Variants in GARS1 observed in about 807,000 individuals in gnomAD.
The protein encoded by GARS1 is glycine--tRNA ligase.
In GARS1, 46 loss-of-function variants were observed where a neutral mutation model predicts 86.4. That is an observed-to-expected ratio of 0.53 (90% CI 0.42 to 0.68). GARS1 has a LOEUF of 0.68. GARS1 is among the 30% of genes least tolerant of loss of function. GARS1 has a pLI of 0.00. For synonymous variants in GARS1, 342 were observed against 329.8 expected, an observed-to-expected ratio of 1.04 and a Z score of -0.40; for missense variants, 797 against 915.6, an observed-to-expected ratio of 0.87 and a Z score of 1.67.
At chr7:30,620,523 G>A (rs538050689) in intron 10 of GARS1, among the ~76,000 whole-genome samples, 4 of 152,146 alleles carry the variant, frequency 2.6e-5, no homozygotes, top group Non-Finnish European at 5.9e-5. Flanking sequence ...CCATCACATT[G>A]GGAGTTAGGA....
At chr7:30,633,509 A>G (rs1220370220) in intron 16 of GARS1, among the ~76,000 whole-genome samples, 1 of 152,190 alleles carries the variant, frequency 6.6e-6, no homozygotes, top group Admixed American at 6.5e-5. Context: ...AATACACATG[A>G]AGTAACTTCA....
intron 16 of GARS1, among the ~76,000 whole-genome samples, chr7:30,633,245 C>T (rs115643077): frequency 0.04 from 6,042 of 152,262 alleles, 165 homozygotes; most frequent in Middle Eastern, 0.082. Context: ...GCAAAACCTC[C>T]ACCCCAGACC....
intron 9 of GARS1, among the ~76,000 whole-genome samples, chr7:30,616,582 A>G (rs910002021): frequency 6.6e-6 from 1 of 152,224 alleles, no homozygotes. Flanking sequence ...ACTCCTGGCA[A>G]GGTTGGACGA....
chr7:30,624,398 A>G (rs1264868003), intron 12 of GARS1, among the ~76,000 whole-genome samples: 1 of 152,214 alleles, frequency 6.6e-6, no homozygotes. Flanking sequence ...TCATCTCTTA[A>G]TTTCTTTAAA....
At chr7:30,626,753 C>T (rs546337580) in intron 13 of GARS1, among the ~76,000 whole-genome samples, 23 of 152,286 alleles carry the variant, frequency 1.5e-4, no homozygotes, top group East Asian at 1.2e-3. Context: ...GAGGCCAAGG[C>T]GGGTAGATCA....
intron 6 of GARS1, 142 bp from the exon 7 acceptor site, chr7:30,609,443 G>C: frequency 1.5e-6 from 1 of 683,678 alleles, no homozygotes; most frequent in Non-Finnish European, 2.6e-6. Flanking sequence ...TTTAATGTGG[G>C]TGTCCTGAAG....
At chr7:30,609,516 A>T (rs1791552280) in intron 6 of GARS1, 69 bp from the exon 7 acceptor site, 1 of 1,343,682 alleles carries the variant, frequency 7.4e-7, no homozygotes. Flanking sequence ...CTAGGGTTAT[A>T]TATAATACTT....
In GARS1 at chr7:30,594,878, G is replaced by T; in HGVS notation, c.-44G>T. Reference sequence around the variant, plus strand: ...TGCTCCGAGCCGGGCGGCGCGCGCCGCTTCCGTCGCCACCCTCTCTGGACA... The same window carrying T: ...TGCTCCGAGCCGGGCGGCGCGCGCCTCTTCCGTCGCCACCCTCTCTGGACA... On this transcript the variant is annotated 5_prime_UTR_variant, in exon 1 of 17. Coordinates refer to ENST00000389266, the MANE Select transcript of GARS1 (RefSeq NM_002047.4). The T allele has an allele frequency of 1.4e-6, 2 of 1,478,430 alleles. No homozygotes were observed. Among genetic ancestry groups the T allele is most frequent in the Non-Finnish European group, 1.8e-6 (2 of 1,097,324 alleles). 91.6% of individuals were successfully genotyped at this position (1,478,430 alleles called of 1,614,324 possible). A position where few individuals can be genotyped will look rare whatever the true frequency, so the allele number is the denominator to read the frequency against.
At position 30,627,422 on chromosome 7, in the gene GARS1, T is replaced by A. The variant is rs183892493; in HGVS notation, c.1699+1103T>A. On this transcript the variant is annotated intron_variant, in intron 13 of 16. Transcript: ENST00000389266. ...ATCATGTTTCTAAAGTATTAACTCT[T>A]TATCATAGACAAACAGGCTCTCTTT... Among the ~76,000 whole-genome samples the A allele has an allele frequency of 2.6e-3, 395 of 152,316 alleles. 4 individuals are homozygous for A. Among genetic ancestry groups the A allele is most frequent in the African/African-American group, 9.0e-3 (373 of 41,554 alleles).
intron 13 of GARS1, chr7:30,626,980 C>CAAA (rs1192203935): frequency 3.8e-4 from 121 of 314,732 alleles, no homozygotes; most frequent in East Asian, 1.1e-3. Context: ...GACTCCGTCT[C>CAAA]AAAAAAAAAA....
Position 30,633,843 on chromosome 7 carries a change from G to T in GARS1, c.2203G>T (p.Glu735Ter). 1 of 1,544,088 alleles carries T rather than the reference G, an allele frequency of 6.5e-7. No individual in the cohort carries two copies. The highest frequency in any genetic ancestry group is 1.7e-5 in the Admixed American group (1 of 57,530). Reference protein sequence around the residue: ...LFEGQETGKKETIEE With the variant: ...LFEGQETGKK ...TGAAGGGCAAGAGACTGGTAAAAAA[G>T]AGACAATCGAGGAATGAGGACAATT... Residue 735 changes from glutamate to a stop codon, truncating the protein, a stop_gained, in exon 17 of 17, where the codon GAG (glutamate) becomes TAG (stop). Transcript: ENST00000389266. LOFTEE classifies it high-confidence loss of function.
In GARS1 at chr7:30,603,508, A is replaced by T. The variant is rs756641901; in HGVS notation, c.671A>T (p.Lys224Ile). The T allele has an allele frequency of 9.3e-6, 15 of 1,613,490 alleles. No homozygotes were observed. In the Admixed American group the frequency reaches 2.5e-4, roughly 27 times the overall value. The change falls in exon 6 of 17, where the codon AAA becomes ATA. Residue 224 changes from lysine (K) to isoleucine (I), a missense_variant. Transcript: ENST00000389266. ...ADHLLKAHLQKLMSDKKCSVE... is the reference protein window; with the variant it reads ...ADHLLKAHLQILMSDKKCSVE... ...ACTGTTCTTACAGCTCATTTACAGA[A>T]ATTGATGTCTGATAAGAAGTGTTCT...
rs1295507110 is a variant in GARS1 at position 30,617,298 on chromosome 7, C to T, written c.1359+20C>T. 3 of 1,612,526 alleles carry T rather than the reference C, an allele frequency of 1.9e-6. No individual in the cohort carries two copies. The highest frequency in any genetic ancestry group is 1.7e-6 in the Non-Finnish European group (2 of 1,179,004). ...TCCTACGTAAGTGGAGTGCTGTTTA[C>T]CATGTGATTTTCACATTGTTAACTT... On this transcript the variant is annotated intron_variant, in intron 10 of 16. Transcript: ENST00000389266.
At chr7:30,598,924 A>G (rs760384921) in intron 2 of GARS1, 27 bp downstream of exon 2, 1 of 1,532,890 alleles carries the variant, frequency 6.5e-7, no homozygotes, top group South Asian at 1.1e-5. Context: ...TAAAATAGGA[A>G]CATAAGTAGG....
At chr7:30,615,081 A>G (rs1346247068) in intron 8 of GARS1, among the ~76,000 whole-genome samples, 1 of 152,218 alleles carries the variant, frequency 6.6e-6, no homozygotes, top group Non-Finnish European at 1.5e-5. Flanking sequence ...ACTAAATTGC[A>G]TTCAGAGAAA....
chr7:30,611,780 G>A (rs1195343666), intron 7 of GARS1, among the ~76,000 whole-genome samples: 2 of 152,084 alleles, frequency 1.3e-5, no homozygotes, highest in Non-Finnish European at 2.9e-5. Flanking sequence ...GACTGCGCGC[G>A]GCCTGAGGTG....
Position 30,633,728 on chromosome 7 carries a change from T to C in GARS1, c.2095-7T>C. On this transcript the variant is annotated splice_polypyrimidine_tract_variant and splice_region_variant and intron_variant, in intron 16 of 16. Transcript: ENST00000389266. ...TTGATACTTGGCTTCTCTTTCCTTG[T>C]CTCTAGATCTCTGAGCTGCCCAGCA... 1 of 1,613,814 alleles carries C rather than the reference T, an allele frequency of 6.2e-7. No individual in the cohort carries two copies. The highest frequency in any genetic ancestry group is 1.3e-5 in the African/African-American group (1 of 75,008).
chr7:30,602,773 T>G (rs1791407243), intron 4 of GARS1, among the ~76,000 whole-genome samples: 1 of 152,230 alleles, frequency 6.6e-6, no homozygotes, highest in African/African-American at 2.4e-5. Flanking sequence ...TATGACAACT[T>G]GTAGAAAAGA....
chr7:30,633,134 C>A (rs1368554517), intron 16 of GARS1, among the ~76,000 whole-genome samples: 2 of 152,150 alleles, frequency 1.3e-5, no homozygotes, highest in East Asian at 3.9e-4. Context: ...TTTTAGAGAC[C>A]ATCTGGCTAC....
Sources: gnomAD v4.1 joint callset for allele counts (sites outside exome capture counted in the v4.1 genomes callset) on GRCh38, gnomAD v4.1.1 for gene constraint, MANE v1.5 for transcripts, NCBI Gene and HGNC (gene_info 2026-07-23, HGNC 2026-07-21) for gene names.